The following CGB2 variants were observed in gnomAD, a reference collection of about 807,000 sequenced individuals.
CGB2 encodes the protein chorionic gonadotropin subunit beta 2, also known as choriogonadotropin subunit beta variant 2.
A neutral mutation model predicts 7.1 loss-of-function variants in CGB2; 4 were observed. The observed-to-expected ratio is 0.57, with a 90% CI of 0.28 to 1.29. CGB2 has a LOEUF of 1.29. CGB2 is among the 50% of genes most tolerant of loss of function. The pLI, the probability that CGB2 is intolerant of heterozygous loss-of-function variation, is 0.10. For synonymous variants in CGB2, 51 were observed against 100.3 expected (o/e 0.51, Z 2.94); for missense variants, 88 against 224.0 (o/e 0.39, Z 3.88).
chr19:49,032,443 G>A (rs2122132583), intron 1 of CGB2, 61 bp from the exon 2 acceptor site: 2 of 1,585,522 alleles, frequency 1.3e-6, no homozygotes, highest in East Asian at 4.5e-5. Context: ...CACGCGGGAT[G>A]GGAAGGCCAG....
In CGB2 at chr19:49,032,024, C is replaced by CA; in HGVS notation, c.-71dup. 6.2e-7 allele frequency: 1 copy of CA among 1,607,452 alleles called. No individual in the cohort carries two copies. The highest frequency in any genetic ancestry group is 2.2e-5 in the East Asian group (1 of 44,824). On this transcript the variant is annotated 5_prime_UTR_variant, in exon 1 of 3. Coordinates refer to ENST00000359342, the MANE Select transcript of CGB2 (RefSeq NM_033378.2). ...CCCCTCACTCCCTGTCTCACTCCCC[C>CA]ACGGAGACTCAATTTACTTTCCATG...
At position 49,031,989 on chromosome 19, in the gene CGB2, G is replaced by C. The variant is rs1487963552; in HGVS notation, c.-107G>C. The C allele has an allele frequency of 4.9e-5, 75 of 1,516,572 alleles. 1 individual carries two copies. The South Asian group carries it at 5.6e-4, about 11-fold the overall frequency. The allele number at this position is 1,516,572 out of a possible 1,614,324, so 93.9% of individuals were successfully genotyped here. On this transcript the variant is annotated 5_prime_UTR_variant, in exon 1 of 3. Transcript: ENST00000359342. ...CTGACTCCGGCCGGGTTCCCGTGCCGCGTCCAACACCCCTCACTCCCTGTC... is the reference window on the plus strand; with the variant it reads ...CTGACTCCGGCCGGGTTCCCGTGCCCCGTCCAACACCCCTCACTCCCTGTC...
At chr19:49,032,441 A>G in intron 1 of CGB2, 63 bp from the exon 2 acceptor site, 3 of 1,589,092 alleles carry the variant, frequency 1.9e-6, no homozygotes, top group Non-Finnish European at 2.6e-6. Flanking sequence ...ACCACGCGGG[A>G]TGGGAAGGCC....
chr19:49,033,203 C>G lies in CGB2; in HGVS notation c.474C>G (p.Thr158=). ...SPSRLPGPSD[T]PILPQ is the part of the protein sequence containing the mutation. ...CCCGACTCCCGGGGCCCTCAGACACCCCGATCCTCCCACAATAAAGGCTTC... is the reference window on the plus strand; with the variant it reads ...CCCGACTCCCGGGGCCCTCAGACACGCCGATCCTCCCACAATAAAGGCTTC... The change falls in exon 3 of 3, where the codon ACC becomes ACG. Residue 158 remains threonine, a synonymous_variant. Coordinates refer to ENST00000359342, the MANE Select transcript of CGB2 (RefSeq NM_033378.2). 2 of 1,611,390 alleles carry G rather than the reference C, an allele frequency of 1.2e-6. No individual in the cohort carries two copies. Among genetic ancestry groups the G allele is most frequent in the South Asian group, 1.1e-5 (1 of 90,988 alleles).
intron 1 of CGB2, 53 bp downstream of exon 1, chr19:49,032,157 A>G: frequency 6.2e-7 from 1 of 1,613,966 alleles, no homozygotes; most frequent in South Asian, 1.1e-5. Context: ...TCCAGGAAAG[A>G]CTGCAGGGCC....
At position 49,033,020 on chromosome 19, in the gene CGB2, G is replaced by A. The variant is rs1269747914; in HGVS notation, c.291G>A (p.Val97=). The A allele has an allele frequency of 7.7e-6, 12 of 1,559,070 alleles. No individual in the cohort carries two copies. In the East Asian group the frequency reaches 2.7e-4, roughly 35 times the overall value. Residue 97 remains valine (V), a synonymous_variant, in exon 3 of 3, where the codon GTG becomes GTA. Transcript: ENST00000359342. ...LPGCPRGVNP[V]VSYAVALSCQ... ...GCTGCCCGCGCGGCGTGAACCCCGTGGTCTCCTACGCCGTGGCTCTCAGCT... is the reference window on the plus strand; with the variant it reads ...GCTGCCCGCGCGGCGTGAACCCCGTAGTCTCCTACGCCGTGGCTCTCAGCT...
rs1407352731 is a variant in CGB2, at chr19:49,033,011, G to A, written c.282G>A (p.Val94=). Residue 94 remains valine (V), a synonymous_variant, in exon 3 of 3, where the codon GTG becomes GTA. Coordinates refer to ENST00000359342, the MANE Select transcript of CGB2 (RefSeq NM_033378.2). ...SIRLPGCPRG[V]NPVVSYAVAL... is the part of the protein sequence containing the mutation. ...GGCTCCCTGGCTGCCCGCGCGGCGT[G>A]AACCCCGTGGTCTCCTACGCCGTGG... The A allele has an allele frequency of 3.9e-6, 6 of 1,545,442 alleles. No homozygotes were observed. In the South Asian group the frequency reaches 5.7e-5, roughly 15 times the overall value.
intron 1 of CGB2, 175 bp from the exon 2 acceptor site, chr19:49,032,329 G>T (rs2039747035): frequency 2.5e-6 from 4 of 1,574,920 alleles, no homozygotes; most frequent in South Asian, 2.3e-5. Flanking sequence ...GGGTATCTGA[G>T]ATCCTCTGGG....
At position 49,032,244 on chromosome 19, in the gene CGB2, C is replaced by T. The variant is rs1028590493; in HGVS notation, c.9+140C>T. On this transcript the variant is annotated intron_variant, in intron 1 of 2. Transcript: ENST00000359342. The stretch of plus-strand genomic sequence containing the variant: ...GACCAGTGTGAGCTGTGGAAGGAGG[C>T]CTCTTTCTGGAGGAGCGTGACCCCC... The T allele has an allele frequency of 3.7e-6, 6 of 1,610,540 alleles. No homozygotes were observed. In the Admixed American group the frequency reaches 5.0e-5, roughly 13 times the overall value.
rs1450244941 is a variant in CGB2 at position 49,033,220 on chromosome 19, A to G, written c.491A>G (p.Ter164=). ...TCAGACACCCCGATCCTCCCACAAT[A>G]AAGGCTTCTCAATCCGCACTCTGGC... The part of the protein sequence containing the change: ...GPSDTPILPQ[*] The change falls in exon 3 of 3, where the codon TAA becomes TGA. Residue 164 remains the stop codon, a stop_retained_variant. Transcript: ENST00000359342. 6.2e-7 allele frequency: 1 copy of G among 1,611,562 alleles called. No homozygotes were observed. The highest frequency in any genetic ancestry group is 1.3e-5 in the African/African-American group (1 of 74,462).
Position 49,032,037 on chromosome 19 carries a change from T to C in CGB2, c.-59T>C. ...GTCTCACTCCCCCACGGAGACTCAA[T>C]TTACTTTCCATGTCCACATCCCCAG... is the stretch of plus-strand genomic sequence containing the variant. On this transcript the variant is annotated 5_prime_UTR_variant, in exon 1 of 3. Coordinates refer to ENST00000359342, the MANE Select transcript of CGB2 (RefSeq NM_033378.2). 1.2e-6 allele frequency: 2 copies of C among 1,611,822 alleles called. No homozygotes were observed. Among genetic ancestry groups the C allele is most frequent in the Non-Finnish European group, 1.7e-6 (2 of 1,177,954 alleles).
intron 1 of CGB2, 72 bp from the exon 2 acceptor site, chr19:49,032,432 C>A (rs1386328770): frequency 6.3e-7 from 1 of 1,593,450 alleles, no homozygotes; most frequent in Non-Finnish European, 8.5e-7. Flanking sequence ...GGGTGGTGTA[C>A]CACGCGGGAT....
chr19:49,031,922 G>A lies in CGB2; in HGVS notation c.-174G>A, dbSNP rs2039738042. 4.9e-6 allele frequency: 4 copies of A among 817,868 alleles called. No individual in the cohort carries two copies. The highest frequency in any genetic ancestry group is 2.7e-5 in the East Asian group (1 of 36,370). 50.7% of individuals were successfully genotyped at this position (817,868 alleles called of 1,614,324 possible). ...GTTCCGTGGCGCCCCCTGGAGGGAG[G>A]AAGGGGAACTGTATCTGAGAGAGAG... is the stretch of plus-strand genomic sequence containing the variant. On this transcript the variant is annotated 5_prime_UTR_variant, in exon 1 of 3. Coordinates refer to ENST00000359342, the MANE Select transcript of CGB2 (RefSeq NM_033378.2).
At chr19:49,032,231 C>T (rs2039744952) in intron 1 of CGB2, 127 bp downstream of exon 1, 1 of 1,612,756 alleles carries the variant, frequency 6.2e-7, no homozygotes, top group African/African-American at 1.3e-5. Flanking sequence ...CCAGTGTGAG[C>T]TGTGGAAGGA....
chr19:49,032,074 G>C lies in CGB2; in HGVS notation c.-22G>C. ...GTCCACATCCCCAGTGCTTGCGGAA[G>C]ATATCCCGCTAAGAGAGAGACATGT... On this transcript the variant is annotated 5_prime_UTR_variant, in exon 1 of 3. Coordinates refer to ENST00000359342, the MANE Select transcript of CGB2 (RefSeq NM_033378.2). 1 of 1,613,828 alleles carries C rather than the reference G, an allele frequency of 6.2e-7. No individual in the cohort carries two copies. Among genetic ancestry groups the C allele is most frequent in the Non-Finnish European group, 8.5e-7 (1 of 1,179,724 alleles).
At chr19:49,032,301 T>A (rs2039746468) in intron 1 of CGB2, 197 bp downstream of exon 1, 5 of 1,581,114 alleles carry the variant, frequency 3.2e-6, no homozygotes, top group Non-Finnish European at 4.3e-6. Context: ...TTCCTGAGGG[T>A]GGGGATCTAA....
intron 2 of CGB2, 113 bp from the exon 3 acceptor site, chr19:49,032,794 G>C (rs2039756803): frequency 6.0e-6 from 4 of 668,526 alleles, no homozygotes; most frequent in Admixed American, 3.2e-5. Flanking sequence ...GGGAGGGCAG[G>C]AACAGAGGGC....
At chr19:49,032,400 C>A (rs28493937) in intron 1 of CGB2, 104 bp from the exon 2 acceptor site, 16 of 1,598,486 alleles carry the variant, frequency 1.0e-5, no homozygotes, top group Non-Finnish European at 1.4e-5. Flanking sequence ...GGAGATGCCA[C>A]GAAGGGTCTC....
In CGB2 at chr19:49,032,065, C is replaced by T; in HGVS notation, c.-31C>T. 1 of 1,613,448 alleles carries T rather than the reference C, an allele frequency of 6.2e-7. No individual in the cohort carries two copies. Among genetic ancestry groups the T allele is most frequent in the Non-Finnish European group, 8.5e-7 (1 of 1,179,386 alleles). Reference sequence around the variant, plus strand: ...ACTTTCCATGTCCACATCCCCAGTGCTTGCGGAAGATATCCCGCTAAGAGA... The same window carrying T: ...ACTTTCCATGTCCACATCCCCAGTGTTTGCGGAAGATATCCCGCTAAGAGA... On this transcript the variant is annotated 5_prime_UTR_variant, in exon 1 of 3. Coordinates refer to ENST00000359342, the MANE Select transcript of CGB2 (RefSeq NM_033378.2).
Sources: allele counts gnomAD v4.1 joint callset, GRCh38; gene constraint gnomAD v4.1.1; transcripts MANE v1.5; gene names NCBI Gene and HGNC (gene_info 2026-07-23, HGNC 2026-07-21).